Variants in TACC1 observed in about 807,000 individuals in gnomAD.
TACC1 encodes the protein transforming acidic coiled-coil containing protein 1, also known as transforming acidic coiled-coil-containing protein 1.
Under a neutral mutation model 84.4 loss-of-function variants are expected in TACC1, and 48 were observed. The observed-to-expected ratio is 0.57, with a 90% CI of 0.45 to 0.72. The LOEUF is 0.72. TACC1 is among the 30% of genes least tolerant of loss of function. The probability of loss-of-function intolerance (pLI) is 0.00; values close to 1 mark genes in which losing one functional copy is unlikely to be tolerated. For synonymous variants in TACC1, 372 were observed against 376.3 expected, an observed-to-expected ratio of 0.99 and a Z score of 0.13; for missense variants, 920 against 973.0, an observed-to-expected ratio of 0.95 and a Z score of 0.72.
At chr8:38,758,316 T>C (rs1810510717) in intron 3 of TACC1, among the ~76,000 whole-genome samples, 1 of 152,160 alleles carries the variant, frequency 6.6e-6, no homozygotes, top group South Asian at 2.1e-4. Context: ...AATATCCAAA[T>C]GGCTAATTTT....
At chr8:38,796,143 CA>C (rs2152043300) in intron 2 of TACC1, among the ~76,000 whole-genome samples, 1 of 152,284 alleles carries the variant, frequency 6.6e-6, no homozygotes, top group African/African-American at 2.4e-5. Context: ...TTGTTTGCAG[CA>C]TCTTGTTTGA....
At chr8:38,838,803 T>C (rs1259648199) in intron 8 of TACC1, among the ~76,000 whole-genome samples, 1 of 152,180 alleles carries the variant, frequency 6.6e-6, no homozygotes, top group Non-Finnish European at 1.5e-5. Context: ...ATAATTCTTA[T>C]CTTCTTAGAA....
chr8:38,778,695 A>G (rs754868199), intron 3 of TACC1, among the ~76,000 whole-genome samples: 5 of 152,300 alleles, frequency 3.3e-5, no homozygotes, highest in Non-Finnish European at 5.9e-5. Flanking sequence ...CCTGCTTCAC[A>G]AAATCAGGCC....
chr8:38,831,200 C>T (rs1026226742), intron 6 of TACC1, 23 bp downstream of exon 6: 3 of 1,613,318 alleles, frequency 1.9e-6, no homozygotes, highest in Admixed American at 1.7e-5. Flanking sequence ...ATGTGGAGGG[C>T]CGGGTGGACT....
chr8:38,818,791 C>CTTTTTTTTTTTTTTTTT (rs1826008363), intron 2 of TACC1, among the ~76,000 whole-genome samples: 1 of 137,436 alleles, frequency 7.3e-6, no homozygotes. Context: ...TTTTTTTTTT[C>CTTTTTTTTTTTTTTTTT]TTCTTTTTTT....
intron 8 of TACC1, 84 bp downstream of exon 8, chr8:38,838,630 T>G: frequency 8.5e-7 from 1 of 1,176,308 alleles, no homozygotes; most frequent in Non-Finnish European, 1.3e-6. Flanking sequence ...CAGTGTTTGC[T>G]TGCCACAGAA....
chr8:38,731,159 G>A (rs1452638024), intron 1 of TACC1, among the ~76,000 whole-genome samples: 1 of 151,926 alleles, frequency 6.6e-6, no homozygotes, highest in Non-Finnish European at 1.5e-5. Flanking sequence ...GGCTGGTCTT[G>A]AACTCCTGGT....
upstream of TACC1, among the ~76,000 whole-genome samples, chr8:38,782,438 G>A (rs1237021681): frequency 2.0e-5 from 3 of 152,090 alleles, no homozygotes; most frequent in Non-Finnish European, 4.4e-5. Flanking sequence ...CATTTGGGTT[G>A]GTTCCAAGTC....
chr8:38,799,436 C>T (rs1224958964), intron 2 of TACC1, among the ~76,000 whole-genome samples: 7 of 152,160 alleles, frequency 4.6e-5, no homozygotes, highest in South Asian at 2.1e-4. Context: ...TGTGGGGCTC[C>T]GAGTCTGGAG....
intron 3 of TACC1, among the ~76,000 whole-genome samples, chr8:38,759,640 A>G (rs1810814960): frequency 6.6e-6 from 1 of 152,214 alleles, no homozygotes; most frequent in Non-Finnish European, 1.5e-5. Flanking sequence ...GTCTTTGCCT[A>G]GGAATACAGT....
At chr8:38,741,257 G>A (rs999357961) in intron 1 of TACC1, among the ~76,000 whole-genome samples, 2 of 151,602 alleles carry the variant, frequency 1.3e-5, no homozygotes, top group African/African-American at 4.8e-5. Flanking sequence ...CTGGGTTCAA[G>A]CAGTTCTCCT....
chr8:38,793,873 ATATTTAC>A (rs1433717123), intron 2 of TACC1, among the ~76,000 whole-genome samples: 2 of 152,258 alleles, frequency 1.3e-5, no homozygotes, highest in African/African-American at 4.8e-5. Context: ...AAAGTCTAAC[ATATTTAC>A]TATCTTGTAC....
intron 3 of TACC1, among the ~76,000 whole-genome samples, chr8:38,759,501 C>T (rs1398018895): frequency 6.6e-6 from 1 of 152,194 alleles, no homozygotes; most frequent in African/African-American, 2.4e-5. Context: ...AGTGGCTTGG[C>T]AGCCTACTTG....
At chr8:38,756,203 C>T (rs1810014798) in intron 3 of TACC1, among the ~76,000 whole-genome samples, 1 of 152,030 alleles carries the variant, frequency 6.6e-6, no homozygotes, top group African/African-American at 2.4e-5. Flanking sequence ...ACAGCGATAA[C>T]ATGGGTGTAG....
At position 38,773,147 on chromosome 8, in the gene TACC1, GA is replaced by G. The variant is rs776373999; in HGVS notation, c.27-15554del. Reference sequence around the variant, plus strand: ...TTGAGACCAGCCTGACCAACATGGTGAAACCCCATCTCTATTAATTATACAA... The same window carrying G: ...TTGAGACCAGCCTGACCAACATGGTGAACCCCATCTCTATTAATTATACAA... On this transcript the variant is annotated intron_variant, in intron 3 of 14. Coordinates refer to the TACC1 transcript ENST00000518415. Among the ~76,000 whole-genome samples, 213 of 151,920 alleles carry G rather than the reference GA, an allele frequency of 1.4e-3. 2 individuals are homozygous for G. Among genetic ancestry groups the G allele is most frequent in the Non-Finnish European group, 6.3e-4 (43 of 67,956 alleles).
At chr8:38,756,779 C>G (rs1406528868) in intron 3 of TACC1, among the ~76,000 whole-genome samples, 1 of 152,226 alleles carries the variant, frequency 6.6e-6, no homozygotes, top group African/African-American at 2.4e-5. Flanking sequence ...CAGGCCTCCC[C>G]TAGTCTCAGG....
Position 38,819,775 on chromosome 8 carries a change from A to G in TACC1, c.531A>G (p.Ala177=). 6.2e-7 allele frequency: 1 copy of G among 1,613,988 alleles called. No individual in the cohort carries two copies. The highest frequency in any genetic ancestry group is 1.3e-5 in the African/African-American group (1 of 75,076). The change falls in exon 3 of 13, where the codon GCA becomes GCG. Residue 177 remains alanine (A), a synonymous_variant. Coordinates refer to ENST00000317827, the MANE Select transcript of TACC1 (RefSeq NM_006283.3). ...AAGCAGCTCATGGCTGTGTAACTGC[A>G]GTCTCAGGCAAGGCTCTGCCTTCCA... ...GTKAAHGCVT[A]VSGKALPSSP... is the part of the protein sequence containing the mutation.
At chr8:38,778,986 T>C (rs899441397) in intron 3 of TACC1, among the ~76,000 whole-genome samples, 3 of 140,932 alleles carry the variant, frequency 2.1e-5, no homozygotes, top group African/African-American at 5.1e-5. Context: ...TTTTTTTTTT[T>C]TCTTTTCTTT....
chr8:38,830,709 C>A (rs1829039163), intron 5 of TACC1, among the ~76,000 whole-genome samples: 3 of 152,200 alleles, frequency 2.0e-5, no homozygotes, highest in Non-Finnish European at 4.4e-5. Context: ...ATCTTATCTG[C>A]TGCATTAATT....
Sources: allele counts gnomAD v4.1 joint callset (sites outside exome capture counted in the v4.1 genomes callset), GRCh38; gene constraint gnomAD v4.1.1; transcripts MANE v1.5; gene names NCBI Gene and HGNC (gene_info 2026-07-23, HGNC 2026-07-21).